PCCA: variants seen among roughly 807,000 people sequenced by gnomAD.
PCCA encodes the protein propionyl-CoA carboxylase subunit alpha.
A neutral mutation model predicts 101.3 loss-of-function variants in PCCA; 74 were observed. The observed-to-expected ratio is 0.73, with a 90% CI of 0.61 to 0.89. The LOEUF is 0.89. PCCA is among the 40% of genes least tolerant of loss of function. The probability of loss-of-function intolerance (pLI) is 0.00; values close to 1 mark genes in which losing one functional copy is unlikely to be tolerated. For synonymous variants in PCCA, 294 were observed against 313.6 expected (o/e 0.94, Z 0.66); for missense variants, 891 against 907.0 (o/e 0.98, Z 0.23).
chr13:100,275,109 G>GC (rs1197181467), intron 12 of PCCA, among the ~76,000 whole-genome samples: 2 of 152,134 alleles, frequency 1.3e-5, no homozygotes, highest in Non-Finnish European at 2.9e-5. Flanking sequence ...TCGAGCTTAA[G>GC]CCTTCCTGCA....
chr13:100,318,210 C>T (rs577493977), intron 16 of PCCA, among the ~76,000 whole-genome samples: 2 of 152,222 alleles, frequency 1.3e-5, no homozygotes, highest in South Asian at 2.1e-4. Context: ...TTGGCCTTTT[C>T]ACTGCACCCA....
Position 100,449,297 on chromosome 13 carries a change from G to A in PCCA, c.1891G>A (p.Gly631Ser), listed in dbSNP as rs796052018. Reference protein sequence around the residue: ...AGGNMSIQFLGTVYKVNILTR... With the variant: ...AGGNMSIQFLSTVYKVNILTR... ...TGGAAACATGAGCATTCAGTTTCTT[G>A]GTACAGTGGTAAGTATGAAATCATT... is the stretch of plus-strand genomic sequence containing the variant. Residue 631 changes from glycine to serine, a missense_variant, in exon 21 of 24, where the codon GGT (glycine) becomes AGT (serine). Physicochemically the swap from Gly to Ser is moderately conservative, Grantham distance 56 (BLOSUM62 0). Transcript: ENST00000376285. 14 of 1,522,770 alleles carry A rather than the reference G, an allele frequency of 9.2e-6. No individual in the cohort carries two copies. In the Admixed American group the frequency reaches 2.8e-4, roughly 30 times the overall value. 94.3% of individuals were successfully genotyped at this position (1,522,770 alleles called of 1,614,324 possible). A position where few individuals can be genotyped will look rare whatever the true frequency, so the allele number is the denominator to read the frequency against.
At chr13:100,403,983 A>G (rs1241194613) in intron 19 of PCCA, among the ~76,000 whole-genome samples, 1 of 152,134 alleles carries the variant, frequency 6.6e-6, no homozygotes, top group East Asian at 1.9e-4. Context: ...ACGGATAAGG[A>G]CAAAGACCGA....
intron 6 of PCCA, among the ~76,000 whole-genome samples, chr13:100,197,241 T>C (rs2058164557): frequency 6.6e-6 from 1 of 152,162 alleles, no homozygotes; most frequent in Non-Finnish European, 1.5e-5. Flanking sequence ...AAGATTTTGC[T>C]CTGTTGCCCA....
intron 23 of PCCA, among the ~76,000 whole-genome samples, chr13:100,529,897 G>A (rs2088250289): frequency 1.3e-5 from 2 of 152,166 alleles, no homozygotes; most frequent in South Asian, 4.1e-4. Flanking sequence ...GGGGAGGAGT[G>A]AGCCACGGCC....
At chr13:100,434,014 T>C (rs561389935) in intron 20 of PCCA, among the ~76,000 whole-genome samples, 1 of 152,214 alleles carries the variant, frequency 6.6e-6, no homozygotes. Flanking sequence ...AAGTGAATGC[T>C]AGTAGGCTGA....
intron 19 of PCCA, among the ~76,000 whole-genome samples, chr13:100,403,418 G>A (rs1049643979): frequency 6.6e-6 from 1 of 152,142 alleles, no homozygotes; most frequent in South Asian, 2.1e-4. Context: ...TGTGTAGGAA[G>A]CATAGCAGCA....
chr13:100,530,257 A>G lies in PCCA; in HGVS notation c.*91A>G, dbSNP rs2088307404. ...ATTGATTCAAGCATTATACAGGAACACCCCTGTGCAGCTACGTTTACGTCG... is the reference window on the plus strand; with the variant it reads ...ATTGATTCAAGCATTATACAGGAACGCCCCTGTGCAGCTACGTTTACGTCG... On this transcript the variant is annotated 3_prime_UTR_variant, in exon 24 of 24. Coordinates refer to ENST00000376285, the MANE Select transcript of PCCA (RefSeq NM_000282.4). 2 of 1,007,044 alleles carry G rather than the reference A, an allele frequency of 2.0e-6. No individual in the cohort carries two copies. The highest frequency in any genetic ancestry group is 3.7e-5 in the Admixed American group (2 of 54,414). 62.4% of individuals were successfully genotyped at this position (1,007,044 alleles called of 1,614,324 possible).
intron 19 of PCCA, among the ~76,000 whole-genome samples, chr13:100,391,659 G>A (rs2076806572): frequency 6.6e-6 from 1 of 152,076 alleles, no homozygotes. Context: ...TATGGGTTTC[G>A]ATTTTATTGT....
At chr13:100,331,545 A>T (rs1225300516) in intron 17 of PCCA, among the ~76,000 whole-genome samples, 1 of 152,186 alleles carries the variant, frequency 6.6e-6, no homozygotes, top group Non-Finnish European at 1.5e-5. Flanking sequence ...CAGAATTTAC[A>T]ATACAGAGTT....
At chr13:100,101,450 C>G (rs1358643314) in intron 1 of PCCA, among the ~76,000 whole-genome samples, 1 of 152,110 alleles carries the variant, frequency 6.6e-6, no homozygotes, top group Admixed American at 6.5e-5. Flanking sequence ...TAGTCTTGAT[C>G]TTTAATAGGG....
intron 19 of PCCA, among the ~76,000 whole-genome samples, chr13:100,412,048 G>A (rs1265303497): frequency 1.3e-5 from 2 of 152,178 alleles, no homozygotes; most frequent in Admixed American, 1.3e-4. Flanking sequence ...ATACCATAAA[G>A]GACATTATTA....
intron 20 of PCCA, among the ~76,000 whole-genome samples, chr13:100,428,543 T>C (rs570878572): frequency 1.2e-4 from 18 of 152,174 alleles, no homozygotes; most frequent in African/African-American, 3.4e-4. Context: ...CACTATGCTA[T>C]AGTACTTTGC....
intron 6 of PCCA, among the ~76,000 whole-genome samples, chr13:100,190,811 A>G (rs1255039123): frequency 6.6e-6 from 1 of 151,982 alleles, no homozygotes; most frequent in Admixed American, 6.6e-5. Flanking sequence ...AAAGTAAGAA[A>G]AAGGGGCTGG....
At chr13:100,449,757 G>A (rs919526763) in intron 21 of PCCA, among the ~76,000 whole-genome samples, 1 of 152,110 alleles carries the variant, frequency 6.6e-6, no homozygotes, top group African/African-American at 2.4e-5. Context: ...CCCAAAGTGC[G>A]GGATTACATG....
intron 19 of PCCA, among the ~76,000 whole-genome samples, chr13:100,371,041 A>G (rs1230085619): frequency 1.3e-5 from 2 of 152,226 alleles, no homozygotes; most frequent in Non-Finnish European, 2.9e-5. Context: ...AGGAAAGTAC[A>G]GCAGATGTTG....
rs563593903 is a variant in PCCA at position 100,128,988 on chromosome 13, C to T, written c.300+16927C>T. Among the ~76,000 whole-genome samples the T allele has an allele frequency of 6.6e-5, 10 of 152,274 alleles. No individual in the cohort carries two copies. The South Asian group carries it at 2.1e-3, about 32-fold the overall frequency. On this transcript the variant is annotated intron_variant, in intron 4 of 23. Transcript: ENST00000376285. ...CTGTGGTTTTAATCAACCCTAGACT[C>T]CAACTCTGTTTTCTCTCTCTCTGTG...
Position 100,302,937 on chromosome 13 carries a change from CTT to C in PCCA, c.1226_1227del (p.Phe409TrpfsTer31), listed in dbSNP as rs1329527659. The C allele has an allele frequency of 1.3e-6, 2 of 1,599,654 alleles. No individual in the cohort carries two copies. The highest frequency in any genetic ancestry group is 2.7e-5 in the African/African-American group (2 of 74,640). On this transcript the variant is annotated frameshift_variant, in exon 14 of 24. Coordinates refer to ENST00000376285, the MANE Select transcript of PCCA (RefSeq NM_000282.4). LOFTEE classifies it high-confidence loss of function. ...TTGAACTTTCAGGACCCCTACAAGT[CTT>C]TTGGTTTACCATCTATTGGGAGATT... is the stretch of plus-strand genomic sequence containing the variant.
chr13:100,223,276 C>G (rs368790585), intron 7 of PCCA, among the ~76,000 whole-genome samples: 12 of 151,986 alleles, frequency 7.9e-5, no homozygotes, highest in Admixed American at 7.9e-4. Flanking sequence ...AGAATGAAGC[C>G]GCGGACCCTC....
Sources: gnomAD v4.1 joint callset for allele counts (sites outside exome capture counted in the v4.1 genomes callset) on GRCh38, gnomAD v4.1.1 for gene constraint, MANE v1.5 for transcripts, NCBI Gene and HGNC (gene_info 2026-07-23, HGNC 2026-07-21) for gene names.